Variants in SPRED2 observed in about 807,000 individuals in gnomAD.
SPRED2 encodes the protein sprouty related EVH1 domain containing 2, also known as sprouty-related, EVH1 domain-containing protein 2.
In SPRED2, 47 loss-of-function variants were observed where a neutral mutation model predicts 43.0. That is an observed-to-expected ratio of 1.09 (90% CI 0.87 to 1.40). The LOEUF (loss-of-function observed/expected upper bound fraction) is 1.40. Ranked by LOEUF, SPRED2 falls within the 40% of genes most tolerant of loss-of-function variation. The pLI, the probability that SPRED2 is intolerant of heterozygous loss-of-function variation, is 0.00. For synonymous variants in SPRED2, 225 were observed against 225.7 expected (o/e 1.00, Z 0.03); for missense variants, 561 against 586.4 (o/e 0.96, Z 0.45).
intron 1 of SPRED2, among the ~76,000 whole-genome samples, chr2:65,426,169 A>C (rs1406841754): frequency 2.0e-5 from 3 of 152,212 alleles, no homozygotes; most frequent in Non-Finnish European, 4.4e-5. Flanking sequence ...TTCTCGCAAC[A>C]ATGAATGGAA....
At chr2:65,377,180 T>C (rs1157508071) in intron 1 of SPRED2, among the ~76,000 whole-genome samples, 1 of 152,242 alleles carries the variant, frequency 6.6e-6, no homozygotes, top group African/African-American at 2.4e-5. Flanking sequence ...AATAACCTTA[T>C]ACATTAGAGT....
intron 4 of SPRED2, among the ~76,000 whole-genome samples, chr2:65,326,182 A>G (rs1673607790): frequency 1.3e-5 from 2 of 152,136 alleles, no homozygotes; most frequent in South Asian, 4.1e-4. Flanking sequence ...TCCTTTTGCA[A>G]GGGATTCTCA....
chr2:65,381,492 T>C (rs148617914), intron 1 of SPRED2, among the ~76,000 whole-genome samples: 42 of 152,300 alleles, frequency 2.8e-4, no homozygotes, highest in Admixed American at 4.6e-4. Context: ...AACAAGAGTA[T>C]CTCCTCTGGG....
chr2:65,347,026 C>T (rs79944515), intron 1 of SPRED2, among the ~76,000 whole-genome samples: 1,808 of 152,244 alleles, frequency 0.012, 32 homozygotes, highest in African/African-American at 0.04. Flanking sequence ...CCAGGTCAAC[C>T]GTGAATCTCG....
At chr2:65,345,043 C>A in intron 1 of SPRED2, 147 bp from the exon 2 acceptor site, 2 of 669,152 alleles carry the variant, frequency 3.0e-6, no homozygotes, top group Non-Finnish European at 2.4e-6. Flanking sequence ...AAAAAGTGGT[C>A]CATCTCAACT....
chr2:65,427,200 T>A (rs1221750459), intron 1 of SPRED2, among the ~76,000 whole-genome samples: 1 of 152,078 alleles, frequency 6.6e-6, no homozygotes, highest in Non-Finnish European at 1.5e-5. Flanking sequence ...GCCTCCTGAG[T>A]AGCTGGGACT....
intron 1 of SPRED2, among the ~76,000 whole-genome samples, chr2:65,388,134 C>T (rs937436312): frequency 4.6e-5 from 7 of 152,230 alleles, no homozygotes; most frequent in Non-Finnish European, 7.3e-5. Flanking sequence ...ATGCAGCTCG[C>T]GTCTTCAGCT....
chr2:65,356,926 G>A (rs1009290825), intron 1 of SPRED2, among the ~76,000 whole-genome samples: 1 of 152,026 alleles, frequency 6.6e-6, no homozygotes, highest in Non-Finnish European at 1.5e-5. Flanking sequence ...CCCGAGAAGC[G>A]GAGTTAGAAG....
At chr2:65,362,583 A>T (rs1674848688) in intron 1 of SPRED2, among the ~76,000 whole-genome samples, 1 of 152,000 alleles carries the variant, frequency 6.6e-6, no homozygotes, top group South Asian at 2.1e-4. Context: ...ACCTGTTATG[A>T]AGAAACCTTG....
intron 1 of SPRED2, among the ~76,000 whole-genome samples, chr2:65,430,556 G>A (rs1676652982): frequency 6.6e-6 from 1 of 152,224 alleles, no homozygotes; most frequent in Non-Finnish European, 1.5e-5. Flanking sequence ...AAGCCTCCCA[G>A]TCGCCCAGCC....
chr2:65,386,713 A>G (rs1238279033), intron 1 of SPRED2, among the ~76,000 whole-genome samples: 1 of 152,206 alleles, frequency 6.6e-6, no homozygotes. Context: ...AAGGAAGGAA[A>G]TTTCAGGTTT....
At chr2:65,362,187 C>T (rs1674832177) in intron 1 of SPRED2, among the ~76,000 whole-genome samples, 1 of 152,204 alleles carries the variant, frequency 6.6e-6, no homozygotes, top group South Asian at 2.1e-4. Context: ...TCACTCTCAT[C>T]CCAAGCCAAA....
chr2:65,407,277 GA>G (rs1312487970), intron 1 of SPRED2, among the ~76,000 whole-genome samples: 1 of 90,310 alleles, frequency 1.1e-5, no homozygotes, highest in Admixed American at 1.1e-4. Context: ...TCCCATGACA[GA>G]AGGATTCTGA....
downstream of SPRED2, among the ~76,000 whole-genome samples, chr2:65,309,668 A>G (rs1673019125): frequency 6.6e-6 from 1 of 152,122 alleles, no homozygotes. Context: ...GTTTCTTTAC[A>G]TGTGTGCTTC....
chr2:65,344,382 G>C, intron 2 of SPRED2: 1 of 389,104 alleles, frequency 2.6e-6, no homozygotes, highest in Non-Finnish European at 5.0e-6. Flanking sequence ...TGACTTCACA[G>C]CTCAGTACAA....
At chr2:65,416,078 T>C (rs891457641) in intron 1 of SPRED2, among the ~76,000 whole-genome samples, 3 of 152,216 alleles carry the variant, frequency 2.0e-5, no homozygotes, top group African/African-American at 7.2e-5. Flanking sequence ...TAGGTTTGAT[T>C]TGGGTGTTGC....
chr2:65,363,851 CT>C (rs1243761506), intron 1 of SPRED2, among the ~76,000 whole-genome samples: 1 of 152,122 alleles, frequency 6.6e-6, no homozygotes, highest in Non-Finnish European at 1.5e-5. Flanking sequence ...AGCTTTGAGT[CT>C]TTAGAATATA....
At chr2:65,397,071 GA>G (rs371403285) in intron 1 of SPRED2, among the ~76,000 whole-genome samples, 51 of 147,116 alleles carry the variant, frequency 3.5e-4, no homozygotes, top group South Asian at 1.1e-3. Context: ...AATCGTTCAT[GA>G]AAAAAAAAAA....
At position 65,316,765 on chromosome 2, in the gene SPRED2, G is replaced by A. The variant is rs1453640534; in HGVS notation, c.557C>T (p.Ser186Leu). The A allele has an allele frequency of 1.2e-6, 2 of 1,612,380 alleles. No homozygotes were observed. Among genetic ancestry groups the A allele is most frequent in the Non-Finnish European group, 1.7e-6 (2 of 1,179,446 alleles). The change falls in exon 5 of 6, where the codon TCA becomes TTA. Residue 186 changes from serine to leucine, a missense_variant. Around this residue, in one of 6 missense-constraint regions of SPRED2, gnomAD observed 305 missense variants for 282.4 expected, o/e 1.08. Coordinates refer to ENST00000356388, the MANE Select transcript of SPRED2 (RefSeq NM_181784.3). ...GAGGTGATAGTGGTCTGTGGGGTAT[G>A]AGTCGTGGAGGTGGCCCAGGGTATA... ...RIYTLGHLHD[S>L]YPTDHYHLDQ...
Sources: allele counts gnomAD v4.1 joint callset (sites outside exome capture counted in the v4.1 genomes callset), GRCh38; gene constraint gnomAD v4.1.1; regional missense constraint gnomAD v4.1.1; transcripts MANE v1.5; gene names NCBI Gene and HGNC (gene_info 2026-07-23, HGNC 2026-07-21).